Variants in WIPF3 observed in about 807,000 individuals in gnomAD.
WIPF3 encodes the protein WAS/WASL interacting protein family member 3.
WIPF3 carries 33 observed loss-of-function variants against 38.9 expected under a neutral mutation model. The ratio of observed to expected loss-of-function variants is 0.85; its 90% CI spans 0.64 to 1.14. WIPF3 has a LOEUF of 1.14. Among genes scored for constraint, WIPF3 ranks in the 50% most tolerant of loss-of-function variants. The pLI is 0.00. For synonymous variants in WIPF3, 324 were observed against 269.3 expected (o/e 1.20, Z -1.99); for missense variants, 711 against 652.5 (o/e 1.09, Z -0.98).
chr7:29,830,723 A>C (rs1461890771), intron 1 of WIPF3, among the ~76,000 whole-genome samples: 1 of 152,192 alleles, frequency 6.6e-6, no homozygotes. Flanking sequence ...TAGAAATTGC[A>C]TACTTCTCTG....
chr7:29,888,270 C>G lies in WIPF3; in HGVS notation c.1249+53C>G. 1.9e-6 allele frequency: 3 copies of G among 1,555,552 alleles called. No individual in the cohort carries two copies. The East Asian group carries it at 7.2e-5, about 37-fold the overall frequency. On this transcript the variant is annotated intron_variant, in intron 6 of 8. Coordinates refer to ENST00000242140, the MANE Select transcript of WIPF3 (RefSeq NM_001080529.3). ...TGGCTGCCAGTAGGAAAGTGATTCTCCCAACCTCTGGAGAGAGAGTTTGCT... is the reference window on the plus strand; with the variant it reads ...TGGCTGCCAGTAGGAAAGTGATTCTGCCAACCTCTGGAGAGAGAGTTTGCT...
At chr7:29,814,024 G>A (rs1464945177) in intron 1 of WIPF3, among the ~76,000 whole-genome samples, 1 of 151,820 alleles carries the variant, frequency 6.6e-6, no homozygotes, top group Non-Finnish European at 1.5e-5. Flanking sequence ...AGGCACAGGT[G>A]ATCCTCCTGC....
At chr7:29,885,834 A>C (rs1785864500) in intron 5 of WIPF3, among the ~76,000 whole-genome samples, 1 of 152,166 alleles carries the variant, frequency 6.6e-6, no homozygotes, top group Non-Finnish European at 1.5e-5. Context: ...AAATTAAGTA[A>C]TTCAATCACC....
At chr7:29,869,582 T>C (rs1406418769) in intron 2 of WIPF3, among the ~76,000 whole-genome samples, 1 of 152,204 alleles carries the variant, frequency 6.6e-6, no homozygotes, top group Non-Finnish European at 1.5e-5. Flanking sequence ...TTGCTAGTTA[T>C]GGGGTAGTTG....
chr7:29,828,948 C>G (rs1784671355), intron 1 of WIPF3, among the ~76,000 whole-genome samples: 1 of 152,212 alleles, frequency 6.6e-6, no homozygotes, highest in Non-Finnish European at 1.5e-5. Context: ...CATTGAAGAG[C>G]CTCCGTCATG....
At position 29,888,211 on chromosome 7, in the gene WIPF3, A is replaced by G; in HGVS notation, c.1243A>G (p.Ile415Val). The G allele has an allele frequency of 6.2e-7, 1 of 1,608,068 alleles. No individual in the cohort carries two copies. The highest frequency in any genetic ancestry group is 8.5e-7 in the Non-Finnish European group (1 of 1,177,258). ...GGQLRNGSLH[I>V]IDDFESKFTF... ...TCAACTGCGAAATGGAAGCCTGCACATCATTGGTAAGTGGGTTGCACCCTC... is the reference window on the plus strand; with the variant it reads ...TCAACTGCGAAATGGAAGCCTGCACGTCATTGGTAAGTGGGTTGCACCCTC... The change falls in exon 6 of 9, where the codon ATC (isoleucine) becomes GTC (valine). Residue 415 changes from isoleucine (I) to valine (V), a missense_variant. Physicochemically the swap from Ile to Val is conservative, Grantham distance 29 (BLOSUM62 3). Transcript: ENST00000242140.
At chr7:29,904,443 C>T in intron 8 of WIPF3, 81 bp downstream of exon 8, 1 of 1,412,902 alleles carries the variant, frequency 7.1e-7, no homozygotes, top group Non-Finnish European at 9.9e-7. Flanking sequence ...TATGCTTTCT[C>T]CTAAACAGCT....
intron 2 of WIPF3, among the ~76,000 whole-genome samples, chr7:29,838,813 C>G (rs1168407293): frequency 2.0e-5 from 3 of 152,158 alleles, no homozygotes; most frequent in Non-Finnish European, 4.4e-5. Flanking sequence ...AAACAACCCC[C>G]TATGTCCATC....
At chr7:29,849,949 G>A (rs1315391837) in intron 2 of WIPF3, among the ~76,000 whole-genome samples, 3 of 152,178 alleles carry the variant, frequency 2.0e-5, no homozygotes, top group Non-Finnish European at 2.9e-5. Context: ...CAGAGCAATC[G>A]TTTGTATTTT....
chr7:29,811,968 A>G (rs1784386626), intron 1 of WIPF3, among the ~76,000 whole-genome samples: 1 of 152,224 alleles, frequency 6.6e-6, no homozygotes, highest in Non-Finnish European at 1.5e-5. Flanking sequence ...GGCTGAAGCC[A>G]TTTAAATGAG....
intron 2 of WIPF3, among the ~76,000 whole-genome samples, chr7:29,874,158 C>T (rs1295163513): frequency 6.6e-6 from 1 of 151,842 alleles, no homozygotes; most frequent in Admixed American, 6.6e-5. Context: ...TGCCTCTCTG[C>T]TTGGTGCATG....
intron 2 of WIPF3, among the ~76,000 whole-genome samples, chr7:29,864,192 A>G (rs1244788831): frequency 6.6e-6 from 1 of 152,028 alleles, no homozygotes; most frequent in East Asian, 1.9e-4. Flanking sequence ...TTGTTGAAGT[A>G]CCCTTTTATT....
At chr7:29,832,657 T>G (rs980143199) in intron 1 of WIPF3, among the ~76,000 whole-genome samples, 5 of 152,218 alleles carry the variant, frequency 3.3e-5, no homozygotes, top group Non-Finnish European at 7.3e-5. Context: ...TGTACAACAA[T>G]CAGCTTATGC....
chr7:29,865,917 G>C (rs964925480), intron 2 of WIPF3, among the ~76,000 whole-genome samples: 2 of 152,180 alleles, frequency 1.3e-5, no homozygotes, highest in Non-Finnish European at 2.9e-5. Context: ...CTAGCACTTT[G>C]GGAGGCCGAG....
intron 1 of WIPF3, among the ~76,000 whole-genome samples, chr7:29,811,543 A>G (rs62459987): frequency 5.9e-5 from 9 of 152,242 alleles, no homozygotes; most frequent in Non-Finnish European, 1.2e-4. Flanking sequence ...AAAAAAGAAA[A>G]CATAAATAGT....
chr7:29,885,003 G>A (rs1016557050), intron 5 of WIPF3, among the ~76,000 whole-genome samples: 5 of 152,144 alleles, frequency 3.3e-5, no homozygotes, highest in African/African-American at 1.2e-4. Flanking sequence ...GAGGTGGAGG[G>A]GGCGTGAGTG....
rs770140420 is a variant in WIPF3, at chr7:29,813,521, T to C, written c.-58+6843T>C. Among the ~76,000 whole-genome samples, 25 of 152,340 alleles carry C rather than the reference T, an allele frequency of 1.6e-4. 1 individual carries two copies. The highest frequency in any genetic ancestry group is 3.4e-4 in the Non-Finnish European group (23 of 68,030). The stretch of plus-strand genomic sequence containing the variant: ...GCTCAGACATTTCTTTCTGACACTT[T>C]ACTTGTCCGTAACTTATGGCACAAT... On this transcript the variant is annotated intron_variant, in intron 1 of 8. Transcript: ENST00000242140.
At chr7:29,814,121 A>G (rs1211186084) in intron 1 of WIPF3, among the ~76,000 whole-genome samples, 1 of 152,080 alleles carries the variant, frequency 6.6e-6, no homozygotes, top group African/African-American at 2.4e-5. Flanking sequence ...GGGTTTTGCC[A>G]TGTTGGCCAG....
intron 1 of WIPF3, among the ~76,000 whole-genome samples, chr7:29,813,793 A>G (rs181664803): frequency 7.2e-4 from 110 of 152,304 alleles, no homozygotes; most frequent in Admixed American, 1.5e-3. Context: ...CATCACCCCA[A>G]GAAGAAACCC....
Sources: allele counts gnomAD v4.1 joint callset (sites outside exome capture counted in the v4.1 genomes callset), GRCh38; gene constraint gnomAD v4.1.1; transcripts MANE v1.5; gene names NCBI Gene and HGNC (gene_info 2026-07-23, HGNC 2026-07-21).